Variants in LDLRAD4 observed in about 807,000 individuals in gnomAD.
LDLRAD4 encodes the protein low density lipoprotein receptor class A domain containing 4, also known as low-density lipoprotein receptor class A domain-containing protein 4.
In LDLRAD4, 5 loss-of-function variants were observed where a neutral mutation model predicts 17.0. That is an observed-to-expected ratio of 0.29 (90% CI 0.15 to 0.62). The LOEUF (loss-of-function observed/expected upper bound fraction) is 0.62. LDLRAD4 is among the 20% of genes least tolerant of loss of function. The pLI, the probability that LDLRAD4 is intolerant of heterozygous loss-of-function variation, is 0.84. For synonymous variants in LDLRAD4, 168 were observed against 171.8 expected (o/e 0.98, Z 0.17); for missense variants, 340 against 424.7 (o/e 0.80, Z 1.75).
chr18:13,590,070 TGTGGGTGTGC>T (rs1568376906), intron 3 of LDLRAD4, among the ~76,000 whole-genome samples: 132 of 149,820 alleles, frequency 8.8e-4, no homozygotes, highest in African/African-American at 3.0e-3. Flanking sequence ...ACTGCATGTG[TGTGGGTGTGC>T]ATGTGTGGGT....
At chr18:13,608,718 A>G (rs2095248225) in intron 3 of LDLRAD4, among the ~76,000 whole-genome samples, 1 of 152,188 alleles carries the variant, frequency 6.6e-6, no homozygotes, top group Non-Finnish European at 1.5e-5. Flanking sequence ...TCCTTAAATA[A>G]GCAACTACCT....
chr18:13,313,864 G>A (rs967430153), intron 1 of LDLRAD4, among the ~76,000 whole-genome samples: 16 of 152,174 alleles, frequency 1.1e-4, no homozygotes, highest in Admixed American at 3.3e-4. Flanking sequence ...ATATTTTAGC[G>A]TTTGGATTAA....
intron 3 of LDLRAD4, among the ~76,000 whole-genome samples, chr18:13,577,916 G>C (rs144803415): frequency 6.6e-6 from 1 of 152,104 alleles, no homozygotes; most frequent in African/African-American, 2.4e-5. Flanking sequence ...GGCTTTTCTC[G>C]TGCTATATCT....
chr18:13,555,248 A>G lies in LDLRAD4; in HGVS notation c.182-65869A>G, dbSNP rs536708631. On this transcript the variant is annotated intron_variant, in intron 3 of 5. Coordinates refer to ENST00000359446, the Ensembl canonical transcript of LDLRAD4. ...AAAACGCAGAAAATAGAAATAAACT[A>G]TAGACTTTAGTTAACTTTTTAAAAA... Among the ~76,000 whole-genome samples, 74 of 152,306 alleles carry G rather than the reference A, an allele frequency of 4.9e-4. 1 individual carries two copies. In the South Asian group the frequency reaches 8.5e-3, roughly 18 times the overall value.
intron 1 of LDLRAD4, among the ~76,000 whole-genome samples, chr18:13,224,375 TG>T (rs1207484951): frequency 6.6e-6 from 1 of 151,662 alleles, no homozygotes; most frequent in Non-Finnish European, 1.5e-5. Flanking sequence ...TGCCTGGGTC[TG>T]GGGGTGTGTG....
rs2040759040 is a variant in LDLRAD4, at chr18:13,622,626, A to G, written c.336+1355A>G. 3.3e-5 allele frequency among the ~76,000 whole-genome samples: 5 copies of G among 152,150 alleles called. 1 individual carries two copies. Among genetic ancestry groups the G allele is most frequent in the Admixed American group, 3.3e-4 (5 of 15,280 alleles). On this transcript the variant is annotated intron_variant, in intron 4 of 5. Coordinates refer to ENST00000359446, the Ensembl canonical transcript of LDLRAD4. The surrounding 1 kb of genome is among the most constrained non-coding windows in gnomAD (Gnocchi z 5.3). ...CCACAGAGCTGCGCCATCCAGACGC[A>G]CTGAACACTTTGGCATCCTGATGCC...
At chr18:13,428,155 A>G (rs2090080809) in intron 2 of LDLRAD4, among the ~76,000 whole-genome samples, 1 of 152,208 alleles carries the variant, frequency 6.6e-6, no homozygotes, top group Admixed American at 6.5e-5. Flanking sequence ...ATATTTGACT[A>G]TCATGTTAGA....
chr18:13,645,041 C>T lies in LDLRAD4; in HGVS notation c.391-86C>T. 1 of 1,129,044 alleles carries T rather than the reference C, an allele frequency of 8.9e-7. No homozygotes were observed. Among genetic ancestry groups the T allele is most frequent in the Non-Finnish European group, 1.3e-6 (1 of 789,604 alleles). 69.9% of individuals were successfully genotyped at this position (1,129,044 alleles called of 1,614,324 possible). On this transcript the variant is annotated intron_variant, in intron 5 of 5. Coordinates refer to ENST00000359446, the Ensembl canonical transcript of LDLRAD4. This position sits in a 1 kb window ranked among gnomAD's most constrained non-coding sequence, Gnocchi z 5.7. ...GTGTTCAAACTGGTAGGAACACACA[C>T]CAAGCGTAACTTTCCTTGATTCTGA...
intron 1 of LDLRAD4, among the ~76,000 whole-genome samples, chr18:13,336,923 G>C (rs1008702027): frequency 6.6e-6 from 1 of 151,990 alleles, no homozygotes; most frequent in African/African-American, 2.4e-5. Flanking sequence ...AAGTTTTATG[G>C]CTTTCTTTCA....
intron 3 of LDLRAD4, among the ~76,000 whole-genome samples, chr18:13,558,857 A>G (rs764615261): frequency 6.6e-5 from 10 of 152,202 alleles, no homozygotes; most frequent in Non-Finnish European, 1.2e-4. Context: ...TAAGCATTAC[A>G]TAACCTTGAA....
At chr18:13,343,011 A>C (rs1407752313) in intron 1 of LDLRAD4, among the ~76,000 whole-genome samples, 1 of 151,890 alleles carries the variant, frequency 6.6e-6, no homozygotes, top group African/African-American at 2.4e-5. Context: ...TTTTGTGTAT[A>C]GTCTGTAGAT....
chr18:13,470,102 G>A (rs780507924), intron 3 of LDLRAD4, among the ~76,000 whole-genome samples: 1 of 152,156 alleles, frequency 6.6e-6, no homozygotes, highest in Non-Finnish European at 1.5e-5. Context: ...AGAAATGATG[G>A]TGGAGCAGTT....
chr18:13,576,437 A>AAAAAAAAAG (rs1555750703), intron 3 of LDLRAD4, among the ~76,000 whole-genome samples: 1 of 83,598 alleles, frequency 1.2e-5, no homozygotes, highest in African/African-American at 3.1e-5. Context: ...AAAAAAAAAA[A>AAAAAAAAAG]AAAGAAAGAA....
intron 1 of LDLRAD4, among the ~76,000 whole-genome samples, chr18:13,353,897 G>T (rs947368049): frequency 2.6e-5 from 4 of 152,224 alleles, no homozygotes; most frequent in African/African-American, 7.2e-5. Context: ...AGTTAATGTA[G>T]CTAGTCTCTA....
At chr18:13,618,157 G>A (rs1406201374) in intron 3 of LDLRAD4, among the ~76,000 whole-genome samples, 2 of 152,234 alleles carry the variant, frequency 1.3e-5, no homozygotes, top group Non-Finnish European at 2.9e-5. Flanking sequence ...GTGCACGTGT[G>A]TTCTTGTTTA....
chr18:13,301,917 G>A (rs1335863798), intron 1 of LDLRAD4, among the ~76,000 whole-genome samples: 5 of 152,216 alleles, frequency 3.3e-5, no homozygotes, highest in African/African-American at 4.8e-5. Context: ...GACCAGCCCC[G>A]CTGGGCAGCC....
chr18:13,378,695 A>G (rs1244607693), intron 1 of LDLRAD4, among the ~76,000 whole-genome samples: 1 of 152,022 alleles, frequency 6.6e-6, no homozygotes, highest in Non-Finnish European at 1.5e-5. Context: ...TTCCTCTTCT[A>G]CTATTCTACC....
exon 6 of LDLRAD4, chr18:13,647,656 T>C (rs2043065711): frequency 6.6e-6 from 1 of 152,264 alleles, no homozygotes; most frequent in Non-Finnish European, 1.5e-5. Flanking sequence ...GTTTTGAGGA[T>C]TGGAATTTCC....
chr18:13,416,183 C>T (rs1008506489), intron 2 of LDLRAD4, among the ~76,000 whole-genome samples: 2 of 152,258 alleles, frequency 1.3e-5, no homozygotes, highest in South Asian at 2.1e-4. Context: ...TTCCCTTTGG[C>T]GAAGTGGGCC....
Sources: gnomAD v4.1 joint callset for allele counts (sites outside exome capture counted in the v4.1 genomes callset) on GRCh38, gnomAD v4.1.1 for gene constraint, Gnocchi (gnomAD v3.1) non-coding constraint, MANE v1.5 for transcripts, NCBI Gene and HGNC (gene_info 2026-07-23, HGNC 2026-07-21) for gene names.